Variants in TNFRSF11A observed in about 807,000 individuals in gnomAD.
The protein encoded by TNFRSF11A is tumor necrosis factor receptor superfamily member 11A.
A neutral mutation model predicts 55.7 loss-of-function variants in TNFRSF11A; 32 were observed. The ratio of observed to expected loss-of-function variants is 0.57; its 90% CI spans 0.43 to 0.77. TNFRSF11A has a LOEUF of 0.77. Among genes scored for constraint, TNFRSF11A ranks in the 30% least tolerant of loss-of-function variants. The pLI, the probability that TNFRSF11A is intolerant of heterozygous loss-of-function variation, is 0.00. For synonymous variants in TNFRSF11A, 311 were observed against 331.0 expected, an observed-to-expected ratio of 0.94 and a Z score of 0.65; for missense variants, 753 against 809.8, an observed-to-expected ratio of 0.93 and a Z score of 0.85.
In TNFRSF11A at chr18:62,388,523, A is replaced by C. The variant is rs1911874096; in HGVS notation, c.*3489A>C. The C allele has an allele frequency of 6.6e-6, 1 of 152,300 alleles. No individual in the cohort carries two copies. The highest frequency in any genetic ancestry group is 2.4e-5 in the African/African-American group (1 of 41,472). 9.4% of individuals were successfully genotyped at this position (152,300 alleles called of 1,614,324 possible). A position where few individuals can be genotyped will look rare whatever the true frequency, so the allele number is the denominator to read the frequency against. Reference sequence around the variant, plus strand: ...GGCCCCCTTGCCATCTGTCCACCACAGGGCACTGCGTGGAGTAAAATGCTG... The same window carrying C: ...GGCCCCCTTGCCATCTGTCCACCACCGGGCACTGCGTGGAGTAAAATGCTG... On this transcript the variant is annotated 3_prime_UTR_variant, in exon 10 of 10. Transcript: ENST00000586569.
intron 9 of TNFRSF11A, among the ~76,000 whole-genome samples, chr18:62,372,608 C>T (rs978919453): frequency 6.6e-6 from 1 of 151,914 alleles, no homozygotes; most frequent in African/African-American, 2.4e-5. Flanking sequence ...TATGACTGAT[C>T]TCGTCATCCA....
rs1053920282 is a variant in TNFRSF11A at position 62,386,949 on chromosome 18, G to A, written c.*1915G>A. ...AGGAAACCATTATACCTTTTGATAT[G>A]GAATATATTACAGAGTTACAGTTCA... is the stretch of plus-strand genomic sequence containing the variant. On this transcript the variant is annotated 3_prime_UTR_variant, in exon 10 of 10. Coordinates refer to ENST00000586569, the MANE Select transcript of TNFRSF11A (RefSeq NM_003839.4). The A allele has an allele frequency of 1.3e-5, 2 of 152,150 alleles. No individual in the cohort carries two copies. The highest frequency in any genetic ancestry group is 4.8e-5 in the African/African-American group (2 of 41,410). The allele number at this position is 152,150 out of a possible 1,614,324, so 9.4% of individuals were successfully genotyped here.
chr18:62,368,568 A>G (rs1395330571), intron 8 of TNFRSF11A, 133 bp from the exon 9 acceptor site: 9 of 915,396 alleles, frequency 9.8e-6, no homozygotes, highest in Middle Eastern at 2.3e-4. Context: ...ACAAAGTTCC[A>G]TAGTCAGTTT....
rs11289576 is a variant in TNFRSF11A, at chr18:62,335,129, A to ATTTTTTTTTTTTT, written c.75+9706_75+9718dup. ...CTGTGACCAAGCCACTGGGGTCGGAATTTTTTTTTTTTTTTTGTTACCCAG... is the reference window on the plus strand; with the variant it reads ...CTGTGACCAAGCCACTGGGGTCGGAATTTTTTTTTTTTTTTTTTTTTTTTTTTTTGTTACCCAG... On this transcript the variant is annotated intron_variant, in intron 1 of 9. Coordinates refer to ENST00000586569, the MANE Select transcript of TNFRSF11A (RefSeq NM_003839.4). 1.1e-3 allele frequency among the ~76,000 whole-genome samples: 155 copies of ATTTTTTTTTTTTT among 140,762 alleles called. 6 individuals carry two copies. The highest frequency in any genetic ancestry group is 1.8e-3 in the Non-Finnish European group (116 of 64,624). 92.3% of individuals were successfully genotyped at this position (140,762 alleles called of 152,430 possible). A position where few individuals can be genotyped will look rare whatever the true frequency, so the allele number is the denominator to read the frequency against.
intron 4 of TNFRSF11A, 98 bp downstream of exon 4, chr18:62,354,632 C>G (rs925669021): frequency 9.6e-6 from 15 of 1,555,960 alleles, no homozygotes; most frequent in Non-Finnish European, 4.4e-6. Context: ...CTCCAGGGTG[C>G]TAGGCAGCAT....
intron 1 of TNFRSF11A, among the ~76,000 whole-genome samples, chr18:62,337,067 G>T (rs1455659150): frequency 6.6e-6 from 1 of 152,180 alleles, no homozygotes; most frequent in Non-Finnish European, 1.5e-5. Context: ...TCAAGACGGT[G>T]TATAAAGTCA....
At chr18:62,335,605 A>G (rs772806087) in intron 1 of TNFRSF11A, among the ~76,000 whole-genome samples, 51 of 152,344 alleles carry the variant, frequency 3.3e-4, no homozygotes, top group Middle Eastern at 3.4e-3. Context: ...GACGGGCACA[A>G]AGAGGCTGAA....
chr18:62,327,657 C>T (rs1035813798), intron 1 of TNFRSF11A, among the ~76,000 whole-genome samples: 4 of 152,168 alleles, frequency 2.6e-5, no homozygotes, highest in African/African-American at 9.7e-5. Flanking sequence ...AAACACCAGG[C>T]AAGACTTCAG....
At chr18:62,382,813 TGTTTGTTA>T (rs959544448) in intron 9 of TNFRSF11A, among the ~76,000 whole-genome samples, 78 of 143,442 alleles carry the variant, frequency 5.4e-4, no homozygotes, top group African/African-American at 6.8e-4. Flanking sequence ...TTTGTTTGTT[TGTTTGTTA>T]ACTTTTATTT....
chr18:62,332,751 G>T (rs1011282245), intron 1 of TNFRSF11A, among the ~76,000 whole-genome samples: 2 of 151,586 alleles, frequency 1.3e-5, no homozygotes, highest in African/African-American at 4.9e-5. Context: ...AATTCAACGA[G>T]ATACTTTTTT....
chr18:62,375,628 A>T (rs946989535), intron 9 of TNFRSF11A, among the ~76,000 whole-genome samples: 1 of 152,148 alleles, frequency 6.6e-6, no homozygotes, highest in African/African-American at 2.4e-5. Context: ...TTATCTTCTT[A>T]TTCCTCACAG....
In TNFRSF11A at chr18:62,359,772, T is replaced by A. The variant is rs6567270; in HGVS notation, c.522-183T>A. Among the ~76,000 whole-genome samples, 75,189 of 152,026 alleles carry A rather than the reference T, an allele frequency of 0.49. 18,779 individuals are homozygous for A. Among genetic ancestry groups the A allele is most frequent in the Middle Eastern group, 0.54 (160 of 294 alleles). ...GAACACAGGCAGCGTTTGCTTTTGTTTATTTGTTTGTCCCACCTTGTGCTG... is the reference window on the plus strand; with the variant it reads ...GAACACAGGCAGCGTTTGCTTTTGTATATTTGTTTGTCCCACCTTGTGCTG... On this transcript the variant is annotated intron_variant, in intron 5 of 9. Coordinates refer to ENST00000586569, the MANE Select transcript of TNFRSF11A (RefSeq NM_003839.4).
Position 62,382,438 on chromosome 18 carries a change from C to G in TNFRSF11A, c.1568-2313C>G, listed in dbSNP as rs553562420. Among the ~76,000 whole-genome samples the G allele has an allele frequency of 2.2e-4, 34 of 152,286 alleles. 1 individual carries two copies. The South Asian group carries it at 5.8e-3, about 26-fold the overall frequency. On this transcript the variant is annotated intron_variant, in intron 9 of 9. Transcript: ENST00000586569. ...CTGAGCCCTTTTTACATTAACCACA[C>G]CACCTTAATTTCCAGTTTCGATTTC...
In TNFRSF11A at chr18:62,348,121, A is replaced by G. The variant is rs371941979; in HGVS notation, c.76-47A>G. 2.8e-6 allele frequency: 4 copies of G among 1,452,040 alleles called. No individual in the cohort carries two copies. The African/African-American group carries it at 5.6e-5, about 20-fold the overall frequency. 89.9% of individuals were successfully genotyped at this position (1,452,040 alleles called of 1,614,324 possible). On this transcript the variant is annotated intron_variant, in intron 1 of 9. Transcript: ENST00000586569. The stretch of plus-strand genomic sequence containing the variant: ...CTTTTTGTTTTACCTAGTTTTATCC[A>G]GAAAGAGCTGTGTGGACTCTCTGCC...
chr18:62,360,972 A>G (rs1909644121), intron 6 of TNFRSF11A, among the ~76,000 whole-genome samples: 1 of 152,196 alleles, frequency 6.6e-6, no homozygotes, highest in South Asian at 2.1e-4. Flanking sequence ...ATGTTTTGGG[A>G]AACAGGAAGA....
intron 1 of TNFRSF11A, among the ~76,000 whole-genome samples, chr18:62,342,401 CAA>C (rs371734407): frequency 0.15 from 9,130 of 61,998 alleles, 559 homozygotes; most frequent in East Asian, 0.28. Context: ...GATTCTGTCT[CAA>C]AAAAAAAAAA....
At chr18:62,384,628 C>A in intron 9 of TNFRSF11A, 123 bp from the exon 10 acceptor site, 1 of 1,187,562 alleles carries the variant, frequency 8.4e-7, no homozygotes, top group South Asian at 1.4e-5. Flanking sequence ...GTGTGGTTCC[C>A]TGTGGCCCCG....
At chr18:62,336,149 G>A (rs576127660) in intron 1 of TNFRSF11A, among the ~76,000 whole-genome samples, 8 of 152,334 alleles carry the variant, frequency 5.3e-5, no homozygotes, top group African/African-American at 1.9e-4. Context: ...TGACTATGCA[G>A]TGTTTGGAAA....
chr18:62,355,884 G>GA (rs1414481909), intron 4 of TNFRSF11A, among the ~76,000 whole-genome samples: 1 of 152,138 alleles, frequency 6.6e-6, no homozygotes, highest in African/African-American at 2.4e-5. Context: ...ATAAATAACT[G>GA]AATGGCAAAG....
Sources: allele counts gnomAD v4.1 joint callset (sites outside exome capture counted in the v4.1 genomes callset), GRCh38; gene constraint gnomAD v4.1.1; transcripts MANE v1.5; gene names NCBI Gene and HGNC (gene_info 2026-07-23, HGNC 2026-07-21).